KCNQ1: variants seen among roughly 807,000 people sequenced by gnomAD.
KCNQ1 encodes the protein potassium voltage-gated channel subfamily KQT member 1.
KCNQ1 carries 49 observed loss-of-function variants against 72.4 expected under a neutral mutation model. The observed-to-expected ratio is 0.68, with a 90% CI of 0.54 to 0.86. The LOEUF (loss-of-function observed/expected upper bound fraction) is 0.86, where lower values mean the gene tolerates loss of function less well. Among genes scored for constraint, KCNQ1 ranks in the 40% least tolerant of loss-of-function variants. KCNQ1 has a pLI of 0.00. For synonymous variants in KCNQ1, 450 were observed against 412.6 expected, an observed-to-expected ratio of 1.09 and a Z score of -1.10; for missense variants, 790 against 945.1, an observed-to-expected ratio of 0.84 and a Z score of 2.15.
rs557220213 is a variant in KCNQ1, at chr11:2,592,740, G to A, written c.1393+3886G>A. On this transcript the variant is annotated intron_variant, in intron 10 of 15. Transcript: ENST00000155840. The surrounding 1 kb of genome is among the most constrained non-coding windows in gnomAD (Gnocchi z 5.2). ...CTGGGGAGCCTGACACTCACAGCCC[G>A]GCTGCTGCTGCCTTGGGCGTCCTGA... 7.9e-5 allele frequency among the ~76,000 whole-genome samples: 12 copies of A among 152,194 alleles called. No individual in the cohort carries two copies. Among genetic ancestry groups the A allele is most frequent in the Admixed American group, 1.3e-4 (2 of 15,286 alleles).
rs1846755741 is a variant in KCNQ1, at chr11:2,487,331, T to C, written c.387-40597T>C. Reference sequence around the variant, plus strand: ...TTAGGCTTCCAGCTTGGCTTTTCTTTTTCAATATTGCTTTTGGCTATTTTA... The same window carrying C: ...TTAGGCTTCCAGCTTGGCTTTTCTTCTTCAATATTGCTTTTGGCTATTTTA... On this transcript the variant is annotated intron_variant, in intron 1 of 15. Transcript: ENST00000155840. 2.6e-5 allele frequency among the ~76,000 whole-genome samples: 4 copies of C among 152,262 alleles called. No individual in the cohort carries two copies. The South Asian group carries it at 8.3e-4, about 31-fold the overall frequency.
chr11:2,529,147 C>T (rs1166660439), intron 2 of KCNQ1, among the ~76,000 whole-genome samples: 2 of 152,170 alleles, frequency 1.3e-5, no homozygotes, highest in Admixed American at 6.5e-5. Context: ...CTGGAGGGGC[C>T]GTCTTCTCTG....
rs986793669 is a variant in KCNQ1, at chr11:2,623,332, G to A, written c.1393+34478G>A. ...ACTGTGAGAACGGACTAATATGCAT[G>A]TATCTACCATTATAGTATCATACAG... is the stretch of plus-strand genomic sequence containing the variant. On this transcript the variant is annotated intron_variant, in intron 10 of 15. Transcript: ENST00000155840. This position sits in a 1 kb window ranked among gnomAD's most constrained non-coding sequence, Gnocchi z 5.2. The A allele has an allele frequency of 2.5e-5, 10 of 398,532 alleles. No individual in the cohort carries two copies. The highest frequency in any genetic ancestry group is 4.4e-5 in the Admixed American group (1 of 22,708). 24.7% of individuals were successfully genotyped at this position (398,532 alleles called of 1,614,324 possible). A position where few individuals can be genotyped will look rare whatever the true frequency, so the allele number is the denominator to read the frequency against.
At position 2,759,548 on chromosome 11, in the gene KCNQ1, G is replaced by A. The variant is rs1180932722; in HGVS notation, c.1515-9296G>A. On this transcript the variant is annotated intron_variant, in intron 11 of 15. Coordinates refer to ENST00000155840, the MANE Select transcript of KCNQ1 (RefSeq NM_000218.3). This position sits in a 1 kb window ranked among gnomAD's most constrained non-coding sequence, Gnocchi z 4.4. ...GCACAGGTGTGGGACCTCACTGCGC[G>A]GGAGGGAGTTGCAAAGAGCGACACC... Among the ~76,000 whole-genome samples, 4 of 152,206 alleles carry A rather than the reference G, an allele frequency of 2.6e-5. No individual in the cohort carries two copies. Among genetic ancestry groups the A allele is most frequent in the Admixed American group, 6.5e-5 (1 of 15,284 alleles).
chr11:2,517,699 G>C (rs139894867), intron 1 of KCNQ1, among the ~76,000 whole-genome samples: 9 of 152,306 alleles, frequency 5.9e-5, no homozygotes, highest in African/African-American at 1.9e-4. Flanking sequence ...AAGAGGGACC[G>C]GTTTGGCCAG....
chr11:2,699,102 C>G (rs1028251946), intron 11 of KCNQ1: 1 of 398,648 alleles, frequency 2.5e-6, no homozygotes, highest in Non-Finnish European at 4.4e-6. Flanking sequence ...CCCAATAGCG[C>G]GGACTCAGAA....
At chr11:2,470,262 G>A (rs1194134199) in intron 1 of KCNQ1, among the ~76,000 whole-genome samples, 1 of 152,198 alleles carries the variant, frequency 6.6e-6, no homozygotes, top group African/African-American at 2.4e-5. Context: ...TCCAGTCACA[G>A]AAGCATCTGT....
chr11:2,456,429 C>G (rs1047749376), intron 1 of KCNQ1, among the ~76,000 whole-genome samples: 2 of 151,980 alleles, frequency 1.3e-5, no homozygotes, highest in Admixed American at 1.3e-4. Context: ...TCCTCAAAAG[C>G]AATTGCAACA....
In KCNQ1 at chr11:2,769,037, C is replaced by T; in HGVS notation, c.1590+118C>T. On this transcript the variant is annotated intron_variant, in intron 12 of 15. Transcript: ENST00000155840. This position sits in a 1 kb window ranked among gnomAD's most constrained non-coding sequence, Gnocchi z 4.6. ...GTGGAGGGTGTCAAGGCCTCCGCCC[C>T]CAAGCCACACAGGCAGGCCTATCTG... 1.2e-6 allele frequency: 1 copy of T among 855,778 alleles called. No individual in the cohort carries two copies. The allele number at this position is 855,778 out of a possible 1,614,324, so 53.0% of individuals were successfully genotyped here.
rs1848380846 is a variant in KCNQ1 at position 2,848,228 on chromosome 11, A to G, written c.*225A>G. ...GTGTGGGGGCCCCGTCTCAGGTCTG[A>G]GTTGTTACCCCAAGCGCCCTGGCCC... On this transcript the variant is annotated 3_prime_UTR_variant, in exon 16 of 16. Coordinates refer to ENST00000155840, the MANE Select transcript of KCNQ1 (RefSeq NM_000218.3). The G allele has an allele frequency of 3.0e-6, 2 of 658,620 alleles. No individual in the cohort carries two copies. The highest frequency in any genetic ancestry group is 5.5e-6 in the Non-Finnish European group (2 of 363,322). The allele number at this position is 658,620 out of a possible 1,614,324, so 40.8% of individuals were successfully genotyped here.
rs1847441050 is a variant in KCNQ1, at chr11:2,809,317, G to A, written c.1794+31280G>A. On this transcript the variant is annotated intron_variant, in intron 15 of 15. Coordinates refer to ENST00000155840, the MANE Select transcript of KCNQ1 (RefSeq NM_000218.3). This position sits in a 1 kb window ranked among gnomAD's most constrained non-coding sequence, Gnocchi z 7.1. The stretch of plus-strand genomic sequence containing the variant: ...ACTTTCAGGTTAAGGAAAATAAAAT[G>A]TGGGACGCTGGACTCATCGTGGGTT... Among the ~76,000 whole-genome samples the A allele has an allele frequency of 6.6e-6, 1 of 152,196 alleles. No individual in the cohort carries two copies. The highest frequency in any genetic ancestry group is 6.5e-5 in the Admixed American group (1 of 15,292).
chr11:2,697,748 A>G (rs760708798), intron 11 of KCNQ1: 9 of 398,600 alleles, frequency 2.3e-5, no homozygotes, highest in Non-Finnish European at 4.0e-5. Flanking sequence ...TGTTTAATAC[A>G]TATTATTGGA....
chr11:2,505,657 A>G (rs1484045699), intron 1 of KCNQ1, among the ~76,000 whole-genome samples: 1 of 152,234 alleles, frequency 6.6e-6, no homozygotes, highest in Non-Finnish European at 1.5e-5. Context: ...TGTTAGAGGC[A>G]TAAATGTTTA....
chr11:2,780,366 C>A (rs1313202300), intron 15 of KCNQ1, among the ~76,000 whole-genome samples: 1 of 152,226 alleles, frequency 6.6e-6, no homozygotes, highest in African/African-American at 2.4e-5. Context: ...AAGCGCAATC[C>A]TGCTGACTTC....
At chr11:2,519,581 C>T (rs1022754582) in intron 1 of KCNQ1, among the ~76,000 whole-genome samples, 1 of 152,120 alleles carries the variant, frequency 6.6e-6, no homozygotes, top group African/African-American at 2.4e-5. Flanking sequence ...GATCATACCA[C>T]TGTCCTCCAG....
rs1454381536 is a variant in KCNQ1, at chr11:2,848,067, C to T, written c.*64C>T. Reference sequence around the variant, plus strand: ...GGAGGCCAAGAGTGGCCCCACCTGGCCCTCTCTGAAGGAGGCCACCTCCTA... The same window carrying T: ...GGAGGCCAAGAGTGGCCCCACCTGGTCCTCTCTGAAGGAGGCCACCTCCTA... On this transcript the variant is annotated 3_prime_UTR_variant, in exon 16 of 16. Transcript: ENST00000155840. 1.4e-6 allele frequency: 2 copies of T among 1,399,548 alleles called. No individual in the cohort carries two copies. Among genetic ancestry groups the T allele is most frequent in the Admixed American group, 2.0e-5 (1 of 50,600 alleles). 86.7% of individuals were successfully genotyped at this position (1,399,548 alleles called of 1,614,324 possible).
chr11:2,635,488 T>C (rs1589995102), intron 10 of KCNQ1: 1 of 152,236 alleles, frequency 6.6e-6, no homozygotes, highest in Non-Finnish European at 1.5e-5. Context: ...GATCAGATGA[T>C]TGTAGATGTG....
intron 15 of KCNQ1, among the ~76,000 whole-genome samples, chr11:2,799,375 A>AGTGTGTGTGTGTATGTGTGTGTGT (rs3085903): frequency 1.0e-4 from 15 of 147,400 alleles, no homozygotes; most frequent in African/African-American, 3.7e-4. Context: ...TGTAAGTTCG[A>AGTGTGTGTGTGTATGTGTGTGTGT]GTGTGTGTGT....
rs972912887 is a variant in KCNQ1 at position 2,491,520 on chromosome 11, G to A, written c.387-36408G>A. The stretch of plus-strand genomic sequence containing the variant: ...AAAAGAATTAGTAAGCTTGAAGACA[G>A]GATATTTGTAAATACACAGAGGAGA... On this transcript the variant is annotated intron_variant, in intron 1 of 15. Coordinates refer to ENST00000155840, the MANE Select transcript of KCNQ1 (RefSeq NM_000218.3). This position sits in a 1 kb window ranked among gnomAD's most constrained non-coding sequence, Gnocchi z 4.1. Among the ~76,000 whole-genome samples, 1 of 152,168 alleles carries A rather than the reference G, an allele frequency of 6.6e-6. No individual in the cohort carries two copies. The highest frequency in any genetic ancestry group is 2.4e-5 in the African/African-American group (1 of 41,440).
Sources: allele counts gnomAD v4.1 joint callset (sites outside exome capture counted in the v4.1 genomes callset), GRCh38; gene constraint gnomAD v4.1.1; non-coding constraint Gnocchi (gnomAD v3.1); transcripts MANE v1.5; gene names NCBI Gene and HGNC (gene_info 2026-07-23, HGNC 2026-07-21).